Variants in SLC22A23 observed in about 807,000 individuals in gnomAD.
SLC22A23 encodes solute carrier family 22 member 23.
Under a neutral mutation model 61.0 loss-of-function variants are expected in SLC22A23, and 26 were observed. The ratio of observed to expected loss-of-function variants is 0.43; its 90% CI spans 0.31 to 0.59. The LOEUF (loss-of-function observed/expected upper bound fraction) is 0.59. Among genes scored for constraint, SLC22A23 ranks in the 20% least tolerant of loss-of-function variants. The pLI is 0.11. For missense variants in SLC22A23, 796 were observed against 934.7 expected (o/e 0.85, Z 1.94); for synonymous variants, 430 against 413.9 (o/e 1.04, Z -0.47).
At chr6:3,367,076 G>C (rs921578690) in intron 3 of SLC22A23, among the ~76,000 whole-genome samples, 1 of 152,200 alleles carries the variant, frequency 6.6e-6, no homozygotes, top group African/African-American at 2.4e-5. Context: ...GATGCCTTCT[G>C]TCTCCACTAA....
intron 1 of SLC22A23, among the ~76,000 whole-genome samples, chr6:3,421,411 C>A (rs1770126645): frequency 6.6e-6 from 1 of 152,156 alleles, no homozygotes; most frequent in Non-Finnish European, 1.5e-5. Context: ...AAGTTGAGAA[C>A]CTGACTCAAT....
rs566653795 is a variant in SLC22A23, at chr6:3,273,531, C to T, written c.1704-119G>A. ...GGGCCCTGCTGCCCTGGGCACTGCC[C>T]AGTATACCCCGACCTCACACGTCCC... On this transcript the variant is annotated intron_variant, in intron 9 of 9. Coordinates refer to ENST00000406686, the MANE Select transcript of SLC22A23 (RefSeq NM_015482.2). 6.6e-6 allele frequency: 7 copies of T among 1,062,072 alleles called. No individual in the cohort carries two copies. In the East Asian group the frequency reaches 1.7e-4, roughly 26 times the overall value. The allele number at this position is 1,062,072 out of a possible 1,614,324, so 65.8% of individuals were successfully genotyped here.
intron 1 of SLC22A23, among the ~76,000 whole-genome samples, chr6:3,424,515 A>G (rs1479066384): frequency 2.0e-5 from 3 of 152,260 alleles, no homozygotes; most frequent in Non-Finnish European, 4.4e-5. Context: ...CTATTTCTAT[A>G]AAGTTTAATA....
chr6:3,325,369 C>T (rs1398347839), intron 3 of SLC22A23, among the ~76,000 whole-genome samples: 1 of 152,146 alleles, frequency 6.6e-6, no homozygotes, highest in Non-Finnish European at 1.5e-5. Context: ...ACCATGCCAG[C>T]CAATTCCTAC....
chr6:3,384,824 G>A (rs1767186479), intron 3 of SLC22A23, among the ~76,000 whole-genome samples: 1 of 152,188 alleles, frequency 6.6e-6, no homozygotes. Flanking sequence ...ATTCACAATA[G>A]CGAGAATGTG....
At chr6:3,388,376 C>T (rs916343969) in intron 3 of SLC22A23, among the ~76,000 whole-genome samples, 8 of 152,214 alleles carry the variant, frequency 5.3e-5, no homozygotes, top group Admixed American at 6.5e-5. Flanking sequence ...ACAATGCTAC[C>T]ATCAAACAAA....
At chr6:3,417,596 G>A (rs574871410) in intron 1 of SLC22A23, among the ~76,000 whole-genome samples, 1 of 152,220 alleles carries the variant, frequency 6.6e-6, no homozygotes, top group Non-Finnish European at 1.5e-5. Context: ...GGACTAGTTA[G>A]AAAAGGCAAG....
chr6:3,293,607 C>T (rs1174228218), intron 5 of SLC22A23, among the ~76,000 whole-genome samples: 1 of 152,244 alleles, frequency 6.6e-6, no homozygotes, highest in East Asian at 1.9e-4. Context: ...TCTGCCCAGA[C>T]ACAGGCTCCA....
chr6:3,451,079 A>G (rs758147717), intron 1 of SLC22A23, among the ~76,000 whole-genome samples: 8 of 152,040 alleles, frequency 5.3e-5, no homozygotes, highest in Non-Finnish European at 1.0e-4. Flanking sequence ...AAATACAGAA[A>G]AAATTGGGGC....
At chr6:3,323,414 A>G (rs1367371175) in intron 4 of SLC22A23, 1 of 450,048 alleles carries the variant, frequency 2.2e-6, no homozygotes, top group Admixed American at 2.5e-5. Flanking sequence ...AAGGTTGCCC[A>G]CCCCTCGCCT....
chr6:3,286,286 A>G lies in SLC22A23; in HGVS notation c.1546+573T>C, dbSNP rs1425422530. 1.3e-5 allele frequency among the ~76,000 whole-genome samples: 2 copies of G among 152,084 alleles called. No homozygotes were observed. Among genetic ancestry groups the G allele is most frequent in the African/African-American group, 4.8e-5 (2 of 41,396 alleles). ...GCTAATTATTTTTTGTATATTTAGT[A>G]GAGATGGGGTTTCACTACATTGGTC... On this transcript the variant is annotated intron_variant, in intron 7 of 9. Transcript: ENST00000406686. The surrounding 1 kb of genome is among the most constrained non-coding windows in gnomAD (Gnocchi z 4.2).
chr6:3,353,473 G>T (rs1022742089), intron 3 of SLC22A23, among the ~76,000 whole-genome samples: 5 of 152,198 alleles, frequency 3.3e-5, no homozygotes, highest in Non-Finnish European at 5.9e-5. Flanking sequence ...AATGGGAAAT[G>T]CCGTGACCCT....
In SLC22A23 at chr6:3,283,982, GA is replaced by G. The variant is rs1561864137; in HGVS notation, c.1580-8del. 2 of 1,598,516 alleles carry G rather than the reference GA, an allele frequency of 1.3e-6. No homozygotes were observed. The highest frequency in any genetic ancestry group is 1.7e-6 in the Non-Finnish European group (2 of 1,168,308). ...TTGACGCTGTCACTCATCCCTGGGG[GA>G]AGGTCAGAAGAAGGTGGTGAGGGAA... On this transcript the variant is annotated splice_polypyrimidine_tract_variant and splice_region_variant and intron_variant, in intron 8 of 9. Transcript: ENST00000406686.
chr6:3,317,914 G>C lies in SLC22A23; in HGVS notation c.1082+5920C>G, dbSNP rs1200934382. Reference sequence around the variant, plus strand: ...AGCCGATCCTGCCATGGCCCAGAAGGCTCAACATATTATAAGCATCCCCAG... The same window carrying C: ...AGCCGATCCTGCCATGGCCCAGAAGCCTCAACATATTATAAGCATCCCCAG... On this transcript the variant is annotated intron_variant, in intron 4 of 9. Coordinates refer to ENST00000406686, the MANE Select transcript of SLC22A23 (RefSeq NM_015482.2). This position sits in a 1 kb window ranked among gnomAD's most constrained non-coding sequence, Gnocchi z 4.4. Among the ~76,000 whole-genome samples, 1 of 152,100 alleles carries C rather than the reference G, an allele frequency of 6.6e-6. No homozygotes were observed. The highest frequency in any genetic ancestry group is 2.4e-5 in the African/African-American group (1 of 41,412).
chr6:3,423,853 C>A (rs560142303), intron 1 of SLC22A23, among the ~76,000 whole-genome samples: 2 of 152,180 alleles, frequency 1.3e-5, no homozygotes, highest in African/African-American at 4.8e-5. Context: ...CCATCAATTC[C>A]GGAAGAGAGC....
At chr6:3,366,446 T>C (rs1294848729) in intron 3 of SLC22A23, among the ~76,000 whole-genome samples, 3 of 151,500 alleles carry the variant, frequency 2.0e-5, no homozygotes, top group South Asian at 2.1e-4. Context: ...GCCATGGTAT[T>C]CTCCTCTGTT....
rs1758544556 is a variant in SLC22A23, at chr6:3,272,576, C to T, written c.*479G>A. On this transcript the variant is annotated 3_prime_UTR_variant, in exon 10 of 10. Transcript: ENST00000406686. ...CAAATTCATGTACATTTCACTCCGT[C>T]TAAAATGCAGTCCCGGAAACGCTCC... is the stretch of plus-strand genomic sequence containing the variant. The T allele has an allele frequency of 6.5e-6, 1 of 153,106 alleles. No homozygotes were observed. The highest frequency in any genetic ancestry group is 1.5e-5 in the Non-Finnish European group (1 of 68,374). 9.5% of individuals were successfully genotyped at this position (153,106 alleles called of 1,614,324 possible). A position where few individuals can be genotyped will look rare whatever the true frequency, so the allele number is the denominator to read the frequency against.
At chr6:3,337,775 A>G (rs1387311712) in intron 3 of SLC22A23, among the ~76,000 whole-genome samples, 1 of 152,234 alleles carries the variant, frequency 6.6e-6, no homozygotes, top group African/African-American at 2.4e-5. Flanking sequence ...GGGTTTTCCA[A>G]TTCGTGAAAG....
chr6:3,376,501 C>T (rs913531), intron 3 of SLC22A23, among the ~76,000 whole-genome samples: 121,233 of 152,012 alleles, frequency 0.8, 49,317 homozygotes, highest in African/African-American at 0.96. Flanking sequence ...TCTTGTCCTT[C>T]TGCCCAACTA....
Sources: gnomAD v4.1 joint callset for allele counts (sites outside exome capture counted in the v4.1 genomes callset) on GRCh38, gnomAD v4.1.1 for gene constraint, Gnocchi (gnomAD v3.1) non-coding constraint, MANE v1.5 for transcripts, NCBI Gene and HGNC (gene_info 2026-07-23, HGNC 2026-07-21) for gene names.